The following SLC25A21 variants were observed in gnomAD, a reference collection of about 807,000 sequenced individuals.
SLC25A21 encodes the protein mitochondrial 2-oxodicarboxylate carrier.
Under a neutral mutation model 43.8 loss-of-function variants are expected in SLC25A21, and 47 were observed. That is an observed-to-expected ratio of 1.07 (90% CI 0.85 to 1.37). The LOEUF (loss-of-function observed/expected upper bound fraction) is 1.37, where lower values mean the gene tolerates loss of function less well. Ranked by LOEUF, SLC25A21 falls within the 40% of genes most tolerant of loss-of-function variation. SLC25A21 has a pLI of 0.00. For synonymous variants in SLC25A21, 131 were observed against 121.3 expected (o/e 1.08, Z -0.52); for missense variants, 352 against 350.2 (o/e 1.00, Z -0.04).
intron 1 of SLC25A21, among the ~76,000 whole-genome samples, chr14:37,125,743 T>G (rs1472138849): frequency 1.3e-5 from 2 of 152,180 alleles, no homozygotes; most frequent in Admixed American, 1.3e-4. Context: ...CATAGACCTA[T>G]TAAACACCAT....
At chr14:36,839,982 G>C (rs1889332559) in intron 2 of SLC25A21, among the ~76,000 whole-genome samples, 1 of 152,194 alleles carries the variant, frequency 6.6e-6, no homozygotes, top group African/African-American at 2.4e-5. Flanking sequence ...AACATTGCAT[G>C]ACTGTAGCTC....
chr14:37,004,525 G>C (rs1046459123), intron 1 of SLC25A21, among the ~76,000 whole-genome samples: 2 of 152,202 alleles, frequency 1.3e-5, no homozygotes, highest in Non-Finnish European at 2.9e-5. Flanking sequence ...AAATCCACTA[G>C]ACAGGAAGAC....
intron 2 of SLC25A21, among the ~76,000 whole-genome samples, chr14:36,848,193 C>A (rs534833895): frequency 2.6e-5 from 4 of 152,242 alleles, no homozygotes; most frequent in African/African-American, 7.2e-5. Context: ...CACCCTAACT[C>A]AAAAGTCAAT....
At chr14:36,761,543 A>T (rs1886157043) in intron 3 of SLC25A21, among the ~76,000 whole-genome samples, 1 of 152,240 alleles carries the variant, frequency 6.6e-6, no homozygotes, top group African/African-American at 2.4e-5. Context: ...ATTTCCACAG[A>T]GGATCATAGA....
At chr14:36,688,500 C>A (rs1289604855) in intron 7 of SLC25A21, among the ~76,000 whole-genome samples, 1 of 152,212 alleles carries the variant, frequency 6.6e-6, no homozygotes, top group East Asian at 1.9e-4. Context: ...GTCCCCTCTA[C>A]CCAGACCCCT....
chr14:36,965,701 C>T (rs2138679679), intron 1 of SLC25A21, among the ~76,000 whole-genome samples: 1 of 152,176 alleles, frequency 6.6e-6, no homozygotes, highest in Non-Finnish European at 1.5e-5. Flanking sequence ...ATTTTCTTTC[C>T]AGGTTTATTC....
intron 1 of SLC25A21, among the ~76,000 whole-genome samples, chr14:37,071,311 T>C (rs868736082): frequency 2.4e-4 from 36 of 152,196 alleles, no homozygotes; most frequent in Admixed American, 2.3e-3. Flanking sequence ...GTTCATCAGA[T>C]ACTATTTTTT....
chr14:37,018,498 G>A (rs1281249846), intron 1 of SLC25A21, among the ~76,000 whole-genome samples: 1 of 151,990 alleles, frequency 6.6e-6, no homozygotes, highest in Non-Finnish European at 1.5e-5. Context: ...TAAAGCTAGT[G>A]TTGGGGAAAG....
At chr14:36,973,509 A>C (rs535043466) in intron 1 of SLC25A21, among the ~76,000 whole-genome samples, 1 of 152,298 alleles carries the variant, frequency 6.6e-6, no homozygotes, top group East Asian at 1.9e-4. Context: ...AGACATGATG[A>C]ATTTATTGCA....
rs562075971 is a variant in SLC25A21, at chr14:37,046,434, A to G, written c.70+125847T>C. 6.6e-5 allele frequency among the ~76,000 whole-genome samples: 10 copies of G among 152,314 alleles called. No individual in the cohort carries two copies. The East Asian group carries it at 1.7e-3, about 26-fold the overall frequency. On this transcript the variant is annotated intron_variant, in intron 1 of 9. Transcript: ENST00000331299. ...CAGGTAGCTGGGCAGGGAAAGGATT[A>G]AGTAGCTTCAAAACGGCATTTTTAA...
intron 1 of SLC25A21, among the ~76,000 whole-genome samples, chr14:37,033,304 T>A (rs1335901413): frequency 6.6e-6 from 1 of 152,240 alleles, no homozygotes; most frequent in Non-Finnish European, 1.5e-5. Flanking sequence ...TTTAATCTTT[T>A]TAAAGGCTGA....
chr14:36,962,680 A>G (rs1223425949), intron 1 of SLC25A21, among the ~76,000 whole-genome samples: 1 of 152,210 alleles, frequency 6.6e-6, no homozygotes, highest in Admixed American at 6.5e-5. Context: ...AAATTTAAAT[A>G]TGTTGCTAGA....
intron 2 of SLC25A21, among the ~76,000 whole-genome samples, chr14:36,825,937 T>A (rs543486591): frequency 1.3e-5 from 2 of 152,192 alleles, no homozygotes; most frequent in Non-Finnish European, 2.9e-5. Context: ...AGATTAGAGT[T>A]AAACATTTGG....
intron 1 of SLC25A21, among the ~76,000 whole-genome samples, chr14:36,927,931 T>C (rs1892176590): frequency 6.6e-6 from 1 of 152,190 alleles, no homozygotes; most frequent in African/African-American, 2.4e-5. Context: ...CCATTCCATT[T>C]GCTGTATATC....
chr14:37,035,588 T>C (rs1961310086), intron 1 of SLC25A21, among the ~76,000 whole-genome samples: 3 of 152,246 alleles, frequency 2.0e-5, no homozygotes, highest in Non-Finnish European at 4.4e-5. Context: ...CTGGGTCTTA[T>C]ATTCTCAACA....
chr14:36,848,070 G>C (rs1889604164), intron 2 of SLC25A21, among the ~76,000 whole-genome samples: 1 of 151,956 alleles, frequency 6.6e-6, no homozygotes, highest in Admixed American at 6.6e-5. Context: ...TGAGGGGGAG[G>C]GAAAAGTCAG....
chr14:36,845,862 G>A (rs2138506647), intron 2 of SLC25A21, among the ~76,000 whole-genome samples: 1 of 152,326 alleles, frequency 6.6e-6, no homozygotes, highest in East Asian at 1.9e-4. Context: ...CAGTTTTCCA[G>A]AGATCATAAT....
intron 1 of SLC25A21, among the ~76,000 whole-genome samples, chr14:37,067,126 T>C (rs1436517583): frequency 6.6e-6 from 1 of 152,070 alleles, no homozygotes; most frequent in Non-Finnish European, 1.5e-5. Context: ...AGAAAAATAA[T>C]GGGGAAGCAG....
At chr14:36,800,392 G>C (rs1887827764) in intron 3 of SLC25A21, among the ~76,000 whole-genome samples, 1 of 152,144 alleles carries the variant, frequency 6.6e-6, no homozygotes, top group African/African-American at 2.4e-5. Flanking sequence ...ATATTATTCA[G>C]TCTTAAAAAG....
Sources: gnomAD v4.1 joint callset for allele counts (sites outside exome capture counted in the v4.1 genomes callset) on GRCh38, gnomAD v4.1.1 for gene constraint, MANE v1.5 for transcripts, NCBI Gene and HGNC (gene_info 2026-07-23, HGNC 2026-07-21) for gene names.